The following DENND1B variants were observed in gnomAD, a reference collection of about 807,000 sequenced individuals.
DENND1B encodes the protein DENN domain containing 1B.
DENND1B carries 59 observed loss-of-function variants against 90.1 expected under a neutral mutation model. The ratio of observed to expected loss-of-function variants is 0.65; its 90% confidence interval spans 0.53 to 0.81. The LOEUF (loss-of-function observed/expected upper bound fraction) is 0.81. Ranked by LOEUF, DENND1B falls within the 40% of genes least tolerant of loss-of-function variation. DENND1B has a pLI of 0.00. For missense variants in DENND1B, 862 were observed against 912.6 expected (o/e 0.94, Z 0.71); for synonymous variants, 337 against 324.6 (o/e 1.04, Z -0.41).
intron 20 of DENND1B, among the ~76,000 whole-genome samples, chr1:197,513,437 G>A (rs1460307203): frequency 6.6e-6 from 1 of 151,520 alleles, no homozygotes; most frequent in African/African-American, 2.4e-5. Flanking sequence ...AAATGTAAAA[G>A]TGTAGATTCT....
intron 5 of DENND1B, among the ~76,000 whole-genome samples, chr1:197,666,962 C>G (rs536105427): frequency 6.6e-6 from 1 of 152,038 alleles, no homozygotes; most frequent in African/African-American, 2.4e-5. Context: ...GGTGAAACCC[C>G]GTCTCTACCA....
At chr1:197,544,951 A>AGGAG (rs1393335477) in intron 18 of DENND1B, among the ~76,000 whole-genome samples, 8 of 370 alleles carry the variant, frequency 0.022, no homozygotes, top group Admixed American at 0.059. Context: ...GGGAGAAGAG[A>AGGAG]GAAGGGAGAA....
At chr1:197,721,363 C>G (rs1661162920) in intron 2 of DENND1B, among the ~76,000 whole-genome samples, 2 of 152,120 alleles carry the variant, frequency 1.3e-5, no homozygotes, top group African/African-American at 4.8e-5. Flanking sequence ...GCCACCGTGC[C>G]TGGCCGAGAA....
intron 8 of DENND1B, 137 bp from the exon 9 acceptor site, chr1:197,645,880 G>A: frequency 2.0e-6 from 1 of 512,484 alleles, no homozygotes; most frequent in Non-Finnish European, 3.3e-6. Context: ...TGTTGAATTT[G>A]AGAGATTCTT....
intron 5 of DENND1B, among the ~76,000 whole-genome samples, chr1:197,659,226 G>A (rs1171965161): frequency 6.6e-6 from 1 of 151,494 alleles, no homozygotes; most frequent in Non-Finnish European, 1.5e-5. Flanking sequence ...ATTGTACACA[G>A]ATTAATAGTA....
intron 20 of DENND1B, among the ~76,000 whole-genome samples, chr1:197,531,152 A>G (rs1028637907): frequency 1.3e-5 from 2 of 152,214 alleles, no homozygotes; most frequent in African/African-American, 4.8e-5. Context: ...TGGAAGTTTT[A>G]AATGAATCAC....
intron 3 of DENND1B, among the ~76,000 whole-genome samples, chr1:197,692,518 T>A (rs1330401232): frequency 6.6e-6 from 1 of 151,866 alleles, no homozygotes; most frequent in Non-Finnish European, 1.5e-5. Context: ...TAATTTAATA[T>A]TTTGTTACTT....
chr1:197,691,710 T>A (rs935046048), intron 3 of DENND1B, among the ~76,000 whole-genome samples: 5 of 152,108 alleles, frequency 3.3e-5, no homozygotes, highest in African/African-American at 9.6e-5. Context: ...ACATCCTACA[T>A]GTCCATCAAC....
intron 15 of DENND1B, among the ~76,000 whole-genome samples, chr1:197,566,936 T>C (rs1020871684): frequency 2.0e-5 from 3 of 152,138 alleles, no homozygotes; most frequent in African/African-American, 7.2e-5. Flanking sequence ...CATTTCTTCA[T>C]TCATTTATTC....
intron 1 of DENND1B, among the ~76,000 whole-genome samples, chr1:197,774,097 T>C (rs1036430150): frequency 3.3e-5 from 5 of 152,236 alleles, no homozygotes; most frequent in Non-Finnish European, 7.3e-5. Flanking sequence ...TAATCTGGGC[T>C]CAGATGACTT....
intron 4 of DENND1B, among the ~76,000 whole-genome samples, chr1:197,672,911 A>G (rs938456569): frequency 3.9e-5 from 6 of 152,020 alleles, no homozygotes; most frequent in Non-Finnish European, 8.8e-5. Context: ...ATTTCCTAGT[A>G]CTGGCTGTAA....
At chr1:197,703,648 T>G (rs931616566) in intron 3 of DENND1B, among the ~76,000 whole-genome samples, 1 of 152,204 alleles carries the variant, frequency 6.6e-6, no homozygotes, top group Non-Finnish European at 1.5e-5. Flanking sequence ...TGATAATATC[T>G]GATTCTAAAA....
chr1:197,576,617 T>C (rs1663244786), intron 15 of DENND1B, among the ~76,000 whole-genome samples: 4 of 152,210 alleles, frequency 2.6e-5, no homozygotes, highest in Admixed American at 2.6e-4. Flanking sequence ...ACAACATGTA[T>C]AAATGTTTTG....
intron 2 of DENND1B, among the ~76,000 whole-genome samples, chr1:197,724,464 T>C (rs1465648591): frequency 6.6e-6 from 1 of 152,098 alleles, no homozygotes; most frequent in Non-Finnish European, 1.5e-5. Context: ...CTACAAAGCC[T>C]AGGAATGGAT....
intron 2 of DENND1B, among the ~76,000 whole-genome samples, chr1:197,730,323 G>T (rs1233369891): frequency 6.6e-6 from 1 of 151,938 alleles, no homozygotes; most frequent in Non-Finnish European, 1.5e-5. Context: ...GACTATAAAA[G>T]GACATGTAGT....
At chr1:197,641,746 T>C (rs950532189) in intron 10 of DENND1B, among the ~76,000 whole-genome samples, 36 of 152,120 alleles carry the variant, frequency 2.4e-4, no homozygotes, top group Admixed American at 6.6e-5. Context: ...GGCCTTGAAG[T>C]GGTCATTTAA....
chr1:197,612,793 T>C (rs1677295115), intron 11 of DENND1B, among the ~76,000 whole-genome samples: 1 of 150,650 alleles, frequency 6.6e-6, no homozygotes, highest in South Asian at 2.1e-4. Flanking sequence ...ATATTCCCTA[T>C]GGATTTTATA....
At position 197,772,854 on chromosome 1, in the gene DENND1B, C is replaced by G; in HGVS notation, c.82+14G>C. 6.5e-7 allele frequency: 1 copy of G among 1,548,410 alleles called. No homozygotes were observed. The highest frequency in any genetic ancestry group is 8.7e-7 in the Non-Finnish European group (1 of 1,145,246). Reference sequence around the variant, plus strand: ...AGAGACCTTGTCAAATAACAGAACACAGAAGACACATACCTTCATTTTCAG... The same window carrying G: ...AGAGACCTTGTCAAATAACAGAACAGAGAAGACACATACCTTCATTTTCAG... On this transcript the variant is annotated intron_variant, in intron 2 of 22. Coordinates refer to ENST00000620048, the MANE Select transcript of DENND1B (RefSeq NM_001195215.2).
At position 197,506,819 on chromosome 1, in the gene DENND1B, C is replaced by T. The variant is rs1667752742; in HGVS notation, c.*3641G>A. 6.6e-6 allele frequency: 1 copy of T among 151,390 alleles called. No individual in the cohort carries two copies. The highest frequency in any genetic ancestry group is 1.5e-5 in the Non-Finnish European group (1 of 67,580). 9.4% of individuals were successfully genotyped at this position (151,390 alleles called of 1,614,324 possible). ...AAATTGGATTCCCATTAACATGCAT[C>T]CACACCTTCAGTTACTCCTAAACTG... On this transcript the variant is annotated 3_prime_UTR_variant, in exon 23 of 23. Coordinates refer to ENST00000620048, the MANE Select transcript of DENND1B (RefSeq NM_001195215.2).
Sources: allele counts gnomAD v4.1 joint callset (sites outside exome capture counted in the v4.1 genomes callset), GRCh38; gene constraint gnomAD v4.1.1; transcripts MANE v1.5; gene names NCBI Gene and HGNC (gene_info 2026-07-23, HGNC 2026-07-21).